DSE: variants seen among roughly 807,000 people sequenced by gnomAD.
DSE encodes dermatan sulfate epimerase.
DSE carries 36 observed loss-of-function variants against 84.4 expected under a neutral mutation model. The observed-to-expected ratio is 0.43, with a 90% CI of 0.33 to 0.56. The LOEUF is 0.56. DSE is among the 20% of genes least tolerant of loss of function. DSE has a pLI of 0.06. For missense variants in DSE, 862 were observed against 1,169.6 expected, an observed-to-expected ratio of 0.74 and a Z score of 3.84; for synonymous variants, 410 against 430.1, an observed-to-expected ratio of 0.95 and a Z score of 0.58.
At chr6:116,314,635 G>T (rs925036104) in intron 2 of DSE, among the ~76,000 whole-genome samples, 1 of 152,256 alleles carries the variant, frequency 6.6e-6, no homozygotes, top group Non-Finnish European at 1.5e-5. Context: ...TGGGGAAATG[G>T]TCAGATTTGC....
chr6:116,406,261 A>G (rs551112811), intron 2 of DSE, among the ~76,000 whole-genome samples: 4 of 152,310 alleles, frequency 2.6e-5, no homozygotes, highest in South Asian at 2.1e-4. Flanking sequence ...TCAAGGCCAG[A>G]GGAGTTCTCG....
intron 2 of DSE, among the ~76,000 whole-genome samples, chr6:116,350,851 A>G (rs898518169): frequency 6.6e-5 from 10 of 152,134 alleles, no homozygotes; most frequent in African/African-American, 2.4e-4. Context: ...CCATGCCTTT[A>G]GACATGACGA....
chr6:116,301,809 C>T (rs1259348931), intron 2 of DSE, among the ~76,000 whole-genome samples: 3 of 152,084 alleles, frequency 2.0e-5, no homozygotes, highest in Non-Finnish European at 2.9e-5. Flanking sequence ...TGGCAGGCTC[C>T]GGTGTGTGAT....
intron 1 of DSE, among the ~76,000 whole-genome samples, chr6:116,390,702 A>T (rs1780848192): frequency 6.6e-6 from 1 of 152,192 alleles, no homozygotes; most frequent in Non-Finnish European, 1.5e-5. Context: ...AGACTGCTAG[A>T]TAAGCTAGAA....
intron 2 of DSE, among the ~76,000 whole-genome samples, chr6:116,357,441 A>G (rs1056856766): frequency 3.3e-5 from 5 of 151,956 alleles, no homozygotes; most frequent in Non-Finnish European, 5.9e-5. Context: ...CTGAGGCAGG[A>G]GAAAGGCATG....
chr6:116,365,226 G>C (rs1362394145), intron 2 of DSE, among the ~76,000 whole-genome samples: 1 of 151,840 alleles, frequency 6.6e-6, no homozygotes, highest in Non-Finnish European at 1.5e-5. Flanking sequence ...TTCTAATTTG[G>C]TTGGTACAGA....
chr6:116,322,623 A>G (rs1417124933), intron 2 of DSE, among the ~76,000 whole-genome samples: 2 of 149,332 alleles, frequency 1.3e-5, no homozygotes, highest in Non-Finnish European at 3.0e-5. Context: ...TAGGTTTCTG[A>G]TTGCCTTCTT....
intron 2 of DSE, chr6:116,278,698 A>C (rs761711631): frequency 6.2e-7 from 1 of 1,614,146 alleles, no homozygotes; most frequent in East Asian, 2.2e-5. Flanking sequence ...AAACCAAGTG[A>C]AGAAGCTGCA....
At chr6:116,370,495 C>T (rs749149963), upstream of DSE, 13 of 986,216 alleles carry the variant, frequency 1.3e-5, no homozygotes, top group Middle Eastern at 1.0e-3. Context: ...GCACCAGTCC[C>T]GGTAGTAAGA....
intron 2 of DSE, among the ~76,000 whole-genome samples, chr6:116,410,764 A>AAAAAAGAAG (rs1554224280): frequency 7.2e-6 from 1 of 139,788 alleles, no homozygotes; most frequent in African/African-American, 2.7e-5. Context: ...AAAAAAAAAA[A>AAAAAAGAAG]AAGAAGAAGA....
At chr6:116,378,551 C>T (rs529830135) in intron 1 of DSE, among the ~76,000 whole-genome samples, 1 of 152,222 alleles carries the variant, frequency 6.6e-6, no homozygotes, top group Non-Finnish European at 1.5e-5. Context: ...ACTCCTCCAT[C>T]CCCTGCTTAA....
At chr6:116,354,723 C>T (rs1025846121) in intron 2 of DSE, among the ~76,000 whole-genome samples, 2 of 152,108 alleles carry the variant, frequency 1.3e-5, no homozygotes, top group Non-Finnish European at 2.9e-5. Flanking sequence ...ATTCTTATAA[C>T]ATCTATATAA....
intron 2 of DSE, among the ~76,000 whole-genome samples, chr6:116,270,945 A>C (rs1169547100): frequency 6.6e-6 from 1 of 152,198 alleles, no homozygotes; most frequent in Non-Finnish European, 1.5e-5. Context: ...GTGACACTGC[A>C]ACTACAAAAT....
intron 2 of DSE, among the ~76,000 whole-genome samples, chr6:116,345,245 A>C (rs1232633379): frequency 1.1e-4 from 16 of 152,202 alleles, no homozygotes; most frequent in Admixed American, 1.0e-3. Context: ...CAGGAATTGA[A>C]CTCAGCTCTG....
At chr6:116,345,232 A>G (rs2114832864) in intron 2 of DSE, among the ~76,000 whole-genome samples, 1 of 152,342 alleles carries the variant, frequency 6.6e-6, no homozygotes, top group South Asian at 2.1e-4. Flanking sequence ...TAACAAGGAT[A>G]TCCAGGAATT....
chr6:116,370,390 T>A, upstream of DSE: 3 of 877,314 alleles, frequency 3.4e-6, no homozygotes, highest in Non-Finnish European at 4.1e-6. Context: ...CGCCCCAAAG[T>A]CCCCCCTCCC....
chr6:116,355,570 G>A (rs193068338), intron 2 of DSE: 3 of 152,208 alleles, frequency 2.0e-5, no homozygotes, highest in Non-Finnish European at 2.9e-5. Flanking sequence ...GTCTAAAAGC[G>A]AATTTTCCAA....
At chr6:116,351,869 G>A (rs987737747) in intron 2 of DSE, among the ~76,000 whole-genome samples, 1 of 152,148 alleles carries the variant, frequency 6.6e-6, no homozygotes, top group Non-Finnish European at 1.5e-5. Flanking sequence ...TAGTGACAAA[G>A]GCCTTAAGGA....
upstream of DSE, chr6:116,366,581 TATA>T (rs1403033642): frequency 6.6e-6 from 1 of 152,224 alleles, no homozygotes; most frequent in East Asian, 1.9e-4. Context: ...TTAGGTAGTT[TATA>T]ATAAGAGGTG....
Sources: allele counts gnomAD v4.1 joint callset (sites outside exome capture counted in the v4.1 genomes callset), GRCh38; gene constraint gnomAD v4.1.1; transcripts MANE v1.5; gene names NCBI Gene and HGNC (gene_info 2026-07-23, HGNC 2026-07-21).